SLC1A7: variants seen among roughly 807,000 people sequenced by gnomAD.
The protein encoded by SLC1A7 is excitatory amino acid transporter 5.
SLC1A7 carries 40 observed loss-of-function variants against 47.7 expected under a neutral mutation model. That is an observed-to-expected ratio of 0.84 (90% CI 0.65 to 1.09). The LOEUF is 1.09. Ranked by LOEUF, SLC1A7 falls within the 50% of genes least tolerant of loss-of-function variation. The pLI is 0.00. For synonymous variants in SLC1A7, 323 were observed against 325.6 expected (o/e 0.99, Z 0.09); for missense variants, 746 against 769.5 (o/e 0.97, Z 0.36).
chr1:53,129,586 GGAAGATGCCAGA>G (rs1553164890), intron 2 of SLC1A7, among the ~76,000 whole-genome samples: 18 of 137,478 alleles, frequency 1.3e-4, no homozygotes, highest in South Asian at 6.8e-4. Context: ...GCCCACAGCT[GGAAGATGCCAGA>G]TTATGGGAAG....
intron 5 of SLC1A7, among the ~76,000 whole-genome samples, chr1:53,094,964 G>T (rs960329114): frequency 6.6e-6 from 1 of 152,220 alleles, no homozygotes; most frequent in Non-Finnish European, 1.5e-5. Context: ...AGCCCTGCTC[G>T]GAGCCGCTGT....
At chr1:53,132,018 G>C (rs1165973545) in intron 2 of SLC1A7, among the ~76,000 whole-genome samples, 3 of 152,186 alleles carry the variant, frequency 2.0e-5, no homozygotes, top group African/African-American at 4.8e-5. Flanking sequence ...TGTTCCAGAG[G>C]AAGGAACAGC....
In SLC1A7 at chr1:53,088,164, C is replaced by A. The variant is rs770324409; in HGVS notation, c.1528G>T (p.Gly510Cys). ...LQEIVAAQQN[G>C]CVKSVAEASE... ...GCCTCGGCTACACTCTTCACACAGC[C>A]ATTCTGCTGGGCTGCCACGATCTCC... The change falls in exon 11 of 11, where the codon GGC (glycine) becomes TGC (cysteine). Residue 510 changes from glycine to cysteine, a missense_variant. Gly to Cys is a radical substitution (Grantham distance 159). Transcript: ENST00000371494. 6.2e-7 allele frequency: 1 copy of A among 1,613,642 alleles called. No homozygotes were observed. The highest frequency in any genetic ancestry group is 2.2e-5 in the East Asian group (1 of 44,874).
intron 5 of SLC1A7, among the ~76,000 whole-genome samples, chr1:53,095,531 C>T (rs865887693): frequency 6.6e-6 from 1 of 150,710 alleles, no homozygotes; most frequent in African/African-American, 2.5e-5. Flanking sequence ...GTTACACTCA[C>T]ACCGCCTCGG....
intron 1 of SLC1A7, among the ~76,000 whole-genome samples, chr1:53,136,440 G>A (rs113959354): frequency 0.081 from 11,993 of 147,278 alleles, 594 homozygotes; most frequent in African/African-American, 0.13. Context: ...TGATCCGCCC[G>A]CCTCGGCCTC....
intron 9 of SLC1A7, 140 bp downstream of exon 9, chr1:53,089,660 T>C (rs1310199639): frequency 4.9e-6 from 4 of 823,410 alleles, no homozygotes; most frequent in African/African-American, 3.4e-5. Flanking sequence ...TGCTAATGAG[T>C]AGGGCACTCC....
Position 53,090,787 on chromosome 1 carries a change from T to C in SLC1A7, c.1051A>G (p.Thr351Ala), listed in dbSNP as rs551690347. 1 of 1,612,288 alleles carries C rather than the reference T, an allele frequency of 6.2e-7. No homozygotes were observed. Among genetic ancestry groups the C allele is most frequent in the African/African-American group, 1.3e-5 (1 of 75,010 alleles). Residue 351 changes from threonine (T) to alanine (A), a missense_variant, in exon 8 of 11, where the codon ACC (threonine) becomes GCC (alanine). Physicochemically the swap from Thr to Ala is moderately conservative, Grantham distance 58. Transcript: ENST00000371494. ...TSSSSATLPI[T>A]FKCLLENNHI... ...TTGTTCTCCAGCAGGCACTTGAAGG[T>C]GATGGGCAGTGTGGCTGAGCTACGG... is the stretch of plus-strand genomic sequence containing the variant.
At chr1:53,131,673 T>C (rs943266487) in intron 2 of SLC1A7, among the ~76,000 whole-genome samples, 17 of 152,368 alleles carry the variant, frequency 1.1e-4, no homozygotes, top group Admixed American at 1.1e-3. Flanking sequence ...GATTGCAGGA[T>C]CCATTAATTA....
chr1:53,114,077 G>A (rs1644728642), intron 3 of SLC1A7, among the ~76,000 whole-genome samples: 5 of 152,180 alleles, frequency 3.3e-5, no homozygotes, highest in Non-Finnish European at 1.5e-5. Context: ...GGCTGGCTCT[G>A]AGTCCCCTGG....
intron 5 of SLC1A7, among the ~76,000 whole-genome samples, chr1:53,094,049 G>A (rs1644456541): frequency 6.6e-6 from 1 of 152,148 alleles, no homozygotes. Context: ...CTGGCTGCCC[G>A]CTCTCCAAAC....
At chr1:53,128,533 T>C (rs3766804) in intron 2 of SLC1A7, among the ~76,000 whole-genome samples, 48,286 of 124,866 alleles carry the variant, frequency 0.39, 13,711 homozygotes, top group South Asian at 0.61. Flanking sequence ...CTGACTGTCA[T>C]GGCGCAAGGA....
At chr1:53,117,836 A>G (rs1644777891) in intron 2 of SLC1A7, among the ~76,000 whole-genome samples, 2 of 152,234 alleles carry the variant, frequency 1.3e-5, no homozygotes, top group African/African-American at 4.8e-5. Context: ...TAGACAGAGC[A>G]AGAGGGATCC....
intron 2 of SLC1A7, among the ~76,000 whole-genome samples, chr1:53,131,710 C>T (rs1644943481): frequency 6.6e-6 from 1 of 152,272 alleles, no homozygotes; most frequent in Non-Finnish European, 1.5e-5. Flanking sequence ...TTAATGAGCA[C>T]CTACTATGTG....
chr1:53,098,950 C>G (rs1242172166), intron 5 of SLC1A7, among the ~76,000 whole-genome samples: 3 of 151,268 alleles, frequency 2.0e-5, no homozygotes, highest in Admixed American at 1.3e-4. Flanking sequence ...TTGGTACACT[C>G]ACATACCCTG....
chr1:53,127,816 T>C (rs950266097), intron 2 of SLC1A7, among the ~76,000 whole-genome samples: 1 of 152,158 alleles, frequency 6.6e-6, no homozygotes, highest in African/African-American at 2.4e-5. Context: ...GCAGCAGCCA[T>C]GGGGAATCAC....
At position 53,137,287 on chromosome 1, in the gene SLC1A7, C is replaced by CAAAAAAAAAAAAAAAAAAAA. The variant is rs60113708; in HGVS notation, c.136-2859_136-2858insTTTTTTTTTTTTTTTTTTTT. Reference sequence around the variant, plus strand: ...GGGCAACAGAGGGAGACGCTATCTCCAAAAAAAAAAAAGTGCTCTACTGAT... The same window carrying CAAAAAAAAAAAAAAAAAAAA: ...GGGCAACAGAGGGAGACGCTATCTCCAAAAAAAAAAAAAAAAAAAAAAAAAAAAAAAAGTGCTCTACTGAT... On this transcript the variant is annotated intron_variant, in intron 1 of 10. Transcript: ENST00000371494. 2.1e-3 allele frequency among the ~76,000 whole-genome samples: 214 copies of CAAAAAAAAAAAAAAAAAAAA among 100,642 alleles called. 5 individuals carry two copies. Among genetic ancestry groups the CAAAAAAAAAAAAAAAAAAAA allele is most frequent in the Non-Finnish European group, 2.8e-3 (141 of 49,490 alleles). 66.0% of individuals were successfully genotyped at this position (100,642 alleles called of 152,430 possible). A position where few individuals can be genotyped will look rare whatever the true frequency, so the allele number is the denominator to read the frequency against.
chr1:53,090,484 G>C, intron 8 of SLC1A7, 128 bp downstream of exon 8: 3 of 1,381,904 alleles, frequency 2.2e-6, no homozygotes, highest in Non-Finnish European at 1.9e-6. Flanking sequence ...TCCCAGCCCT[G>C]GCCCTCTGCC....
At chr1:53,115,027 C>T (rs1466638685) in intron 2 of SLC1A7, 54 bp from the exon 3 acceptor site, 31 of 1,420,496 alleles carry the variant, frequency 2.2e-5, no homozygotes, top group Non-Finnish European at 3.0e-5. Context: ...GCCTGGCTGG[C>T]ACTCAGCGCT....
At chr1:53,105,876 G>T (rs1644635496) in intron 3 of SLC1A7, 102 bp from the exon 4 acceptor site, 2 of 914,616 alleles carry the variant, frequency 2.2e-6, no homozygotes, top group Non-Finnish European at 3.6e-6. Context: ...TGGTGGTCGG[G>T]CCTTCCTCAG....
Sources: allele counts gnomAD v4.1 joint callset (sites outside exome capture counted in the v4.1 genomes callset), GRCh38; gene constraint gnomAD v4.1.1; transcripts MANE v1.5; gene names NCBI Gene and HGNC (gene_info 2026-07-23, HGNC 2026-07-21).